Variants in TIAM2 observed in about 807,000 individuals in gnomAD.
TIAM2 encodes the protein rho guanine nucleotide exchange factor TIAM2.
In TIAM2, 80 loss-of-function variants were observed where a neutral mutation model predicts 152.9. The ratio of observed to expected loss-of-function variants is 0.52; its 90% confidence interval spans 0.44 to 0.63. The LOEUF (loss-of-function observed/expected upper bound fraction) is 0.63. Ranked by LOEUF, TIAM2 falls within the 30% of genes least tolerant of loss-of-function variation. The probability of loss-of-function intolerance (pLI) is 0.00; values close to 1 mark genes in which losing one functional copy is unlikely to be tolerated. For synonymous variants in TIAM2, 804 were observed against 838.0 expected (o/e 0.96, Z 0.70); for missense variants, 1,965 against 2,120.1 (o/e 0.93, Z 1.44).
intron 1 of TIAM2, among the ~76,000 whole-genome samples, chr6:155,037,369 T>A (rs1776942006): frequency 6.6e-6 from 1 of 151,940 alleles, no homozygotes. Flanking sequence ...GCTCTGCAGT[T>A]TTCTGTTTTG....
intron 15 of TIAM2, among the ~76,000 whole-genome samples, chr6:155,217,400 A>T: frequency 6.6e-6 from 1 of 152,254 alleles, no homozygotes. Context: ...AAATATAAAG[A>T]TATCAGAAAG....
chr6:155,074,899 AGGTGGAGAT>A (rs1410904997), intron 1 of TIAM2, among the ~76,000 whole-genome samples: 2 of 144,714 alleles, frequency 1.4e-5, no homozygotes, highest in African/African-American at 2.6e-5. Context: ...TTGTCAGTAG[AGGTGGAGAT>A]GGGACCTTCT....
In TIAM2 at chr6:155,254,543, A is replaced by G; in HGVS notation, c.4438A>G (p.Lys1480Glu). ...KTCKDRLVPL[K>E]NRVPVSAKLA... is the part of the protein sequence containing the mutation. Reference sequence around the variant, plus strand: ...GTGTAAGGATCGCCTGGTACCTCTTAAGAACCGAGTTCCTGTTTCGGCCAA... The same window carrying G: ...GTGTAAGGATCGCCTGGTACCTCTTGAGAACCGAGTTCCTGTTTCGGCCAA... The change falls in exon 26 of 27, where the codon AAG becomes GAG. Residue 1480 changes from lysine to glutamate, a missense_variant. By Grantham distance (56) the Lys-to-Glu change is moderately conservative. This residue lies in a region of TIAM2 where 935 missense variants were observed against 980.0 expected (regional missense o/e 0.95). Coordinates refer to ENST00000682666, the MANE Select transcript of TIAM2 (RefSeq NM_012454.4). 1 of 1,613,616 alleles carries G rather than the reference A, an allele frequency of 6.2e-7. No individual in the cohort carries two copies. Among genetic ancestry groups the G allele is most frequent in the Non-Finnish European group, 8.5e-7 (1 of 1,179,526 alleles).
chr6:155,046,440 A>G (rs941725433), intron 1 of TIAM2, among the ~76,000 whole-genome samples: 6 of 142,598 alleles, frequency 4.2e-5, no homozygotes, highest in Non-Finnish European at 8.9e-5. Context: ...GGTTCAAGTG[A>G]TTCTCCTGTC....
rs138924621 is a variant in TIAM2, at chr6:155,006,205, A to G, written c.-209+10713A>G. Among the ~76,000 whole-genome samples, 777 of 152,272 alleles carry G rather than the reference A, an allele frequency of 5.1e-3. 8 individuals are homozygous for G. Among genetic ancestry groups the G allele is most frequent in the African/African-American group, 0.017 (725 of 41,568 alleles). On this transcript the variant is annotated intron_variant, in intron 1 of 26. Coordinates refer to ENST00000682666, the MANE Select transcript of TIAM2 (RefSeq NM_012454.4). ...GTGATCAGTGACCGAGTGCCTACCAAGTCCCTGACGTTGAGGTCAGTGGGG... is the reference window on the plus strand; with the variant it reads ...GTGATCAGTGACCGAGTGCCTACCAGGTCCCTGACGTTGAGGTCAGTGGGG...
intron 1 of TIAM2, among the ~76,000 whole-genome samples, chr6:155,075,356 A>G (rs1777931941): frequency 6.6e-6 from 1 of 151,928 alleles, no homozygotes. Context: ...AATGAAAAAA[A>G]AAAAAACCCA....
chr6:155,057,541 C>CTTTTTTTTTTTTTTTTT (rs71023613), intron 1 of TIAM2, among the ~76,000 whole-genome samples: 3 of 80,050 alleles, frequency 3.7e-5, no homozygotes, highest in Non-Finnish European at 4.5e-5. Flanking sequence ...CCATAATGTA[C>CTTTTTTTTTTTTTTTTT]TTTTTTTTTT....
intron 1 of TIAM2, among the ~76,000 whole-genome samples, chr6:155,017,418 G>C (rs1235423518): frequency 6.6e-6 from 1 of 151,908 alleles, no homozygotes; most frequent in African/African-American, 2.4e-5. Context: ...AGAGCTGAGA[G>C]CTTGGGTGGG....
At chr6:155,130,494 C>A in intron 4 of TIAM2, 77 bp downstream of exon 4, 1 of 1,367,264 alleles carries the variant, frequency 7.3e-7, no homozygotes. Context: ...GTAGAAGCCA[C>A]CATAGAGTGT....
At chr6:155,094,817 A>C (rs371532679) in intron 2 of TIAM2, among the ~76,000 whole-genome samples, 1 of 150,766 alleles carries the variant, frequency 6.6e-6, no homozygotes, top group Non-Finnish European at 1.5e-5. Flanking sequence ...TCCTGAGCTC[A>C]AGTGATCCGC....
chr6:155,039,133 ATTTT>A (rs1293501050), intron 1 of TIAM2, among the ~76,000 whole-genome samples: 1 of 150,456 alleles, frequency 6.6e-6, no homozygotes, highest in African/African-American at 2.4e-5. Context: ...GCTAACTTTC[ATTTT>A]TTTGTGTGGA....
At position 155,028,263 on chromosome 6, in the gene TIAM2, C is replaced by T. The variant is rs1031971743; in HGVS notation, c.-209+32771C>T. ...ATATATGTACTGTGTTACATATATA[C>T]TACATATAATATATGTACTGTGTTA... On this transcript the variant is annotated intron_variant, in intron 1 of 26. Transcript: ENST00000682666. Among the ~76,000 whole-genome samples, 11 of 124,884 alleles carry T rather than the reference C, an allele frequency of 8.8e-5. 1 individual carries two copies. In the South Asian group the frequency reaches 2.3e-3, roughly 26 times the overall value. 81.9% of individuals were successfully genotyped at this position (124,884 alleles called of 152,430 possible). A position where few individuals can be genotyped will look rare whatever the true frequency, so the allele number is the denominator to read the frequency against.
At chr6:155,196,557 G>A (rs1781351692) in intron 14 of TIAM2, among the ~76,000 whole-genome samples, 1 of 151,936 alleles carries the variant, frequency 6.6e-6, no homozygotes, top group Admixed American at 6.6e-5. Context: ...TGCTCTAAAT[G>A]GTAAATGAAT....
intron 4 of TIAM2, among the ~76,000 whole-genome samples, chr6:155,131,030 C>G (rs569649577): frequency 6.6e-6 from 1 of 152,258 alleles, no homozygotes. Context: ...TGTGCATGTC[C>G]CTGCACTCTT....
At chr6:155,202,825 G>A (rs888421337) in intron 14 of TIAM2, among the ~76,000 whole-genome samples, 1 of 148,932 alleles carries the variant, frequency 6.7e-6, no homozygotes, top group Admixed American at 6.8e-5. Context: ...ATCACTCGAG[G>A]TTAGGAGTTT....
In TIAM2 at chr6:155,059,499, C is replaced by T. The variant is rs956036135; in HGVS notation, c.-208-30790C>T. Among the ~76,000 whole-genome samples the T allele has an allele frequency of 3.3e-5, 5 of 151,822 alleles. No individual in the cohort carries two copies. In the East Asian group the frequency reaches 5.8e-4, roughly 18 times the overall value. On this transcript the variant is annotated intron_variant, in intron 1 of 26. Coordinates refer to ENST00000682666, the MANE Select transcript of TIAM2 (RefSeq NM_012454.4). ...CACAGCCAGCAAATTTTTTTTTAGCCGAGATCGGGTTTCGCCATGTTGGCC... is the reference window on the plus strand; with the variant it reads ...CACAGCCAGCAAATTTTTTTTTAGCTGAGATCGGGTTTCGCCATGTTGGCC...
intron 1 of TIAM2, among the ~76,000 whole-genome samples, chr6:155,085,250 A>G (rs1778150039): frequency 1.3e-5 from 2 of 152,312 alleles, no homozygotes; most frequent in Middle Eastern, 6.8e-3. Context: ...ATTCAGGGAG[A>G]TGGTGGCTAC....
In TIAM2 at chr6:155,144,451, G is replaced by C. The variant is rs528996726; in HGVS notation, c.1631-155G>C. Among the ~76,000 whole-genome samples the C allele has an allele frequency of 2.6e-5, 4 of 152,316 alleles. No homozygotes were observed. In the South Asian group the frequency reaches 8.3e-4, roughly 32 times the overall value. ...TTCAAGTTCATTCTGATACAACTAGGTGTACTTCAGATGCCACTTTTCCTT... is the reference window on the plus strand; with the variant it reads ...TTCAAGTTCATTCTGATACAACTAGCTGTACTTCAGATGCCACTTTTCCTT... On this transcript the variant is annotated intron_variant, in intron 5 of 26. Transcript: ENST00000682666.
At chr6:155,215,400 AC>A (rs1335681105) in intron 15 of TIAM2, among the ~76,000 whole-genome samples, 1 of 152,214 alleles carries the variant, frequency 6.6e-6, no homozygotes, top group Non-Finnish European at 1.5e-5. Context: ...ATCAACGAAC[AC>A]AGAAGAAAAA....
Sources: allele counts gnomAD v4.1 joint callset (sites outside exome capture counted in the v4.1 genomes callset), GRCh38; gene constraint gnomAD v4.1.1; regional missense constraint gnomAD v4.1.1; transcripts MANE v1.5; gene names NCBI Gene and HGNC (gene_info 2026-07-23, HGNC 2026-07-21).